The following CC2D2B variants were observed in gnomAD, a reference collection of about 807,000 sequenced individuals.
CC2D2B encodes protein CC2D2B.
A neutral mutation model predicts 161.2 loss-of-function variants in CC2D2B; 128 were observed. That is an observed-to-expected ratio of 0.79 (90% confidence interval 0.69 to 0.92). The LOEUF (loss-of-function observed/expected upper bound fraction) is 0.92, where lower values mean the gene tolerates loss of function less well. Ranked by LOEUF, CC2D2B falls within the 40% of genes least tolerant of loss-of-function variation. The probability of loss-of-function intolerance (pLI) is 0.00; values close to 1 mark genes in which losing one functional copy is unlikely to be tolerated. For synonymous variants in CC2D2B, 391 were observed against 449.8 expected, an observed-to-expected ratio of 0.87 and a Z score of 1.65; for missense variants, 1,173 against 1,375.1, an observed-to-expected ratio of 0.85 and a Z score of 2.32.
At chr10:96,021,252 T>C (rs1026346180) in intron 32 of CC2D2B, 18 of 152,228 alleles carry the variant, frequency 1.2e-4, no homozygotes, top group African/African-American at 4.1e-4. Context: ...TCTCAGTATA[T>C]ACCCCAGAGG....
At chr10:96,015,441 A>C (rs527804237) in intron 29 of CC2D2B, among the ~76,000 whole-genome samples, 15 of 148,036 alleles carry the variant, frequency 1.0e-4, no homozygotes, top group Non-Finnish European at 1.5e-4. Context: ...GAGCATTTGG[A>C]CCCAAGTCTT....
At chr10:96,019,043 G>C (rs930721036) in intron 30 of CC2D2B, 160 bp from the exon 31 acceptor site, 8 of 554,768 alleles carry the variant, frequency 1.4e-5, no homozygotes, top group Non-Finnish European at 2.1e-5. Context: ...CTGGGCTCAA[G>C]TGATCCTCCC....
At chr10:96,001,784 CAG>C (rs2078510031) in intron 24 of CC2D2B, among the ~76,000 whole-genome samples, 1 of 152,200 alleles carries the variant, frequency 6.6e-6, no homozygotes. Context: ...ATTATATTTT[CAG>C]AGTCATTGGC....
chr10:95,928,403 C>G (rs1266122607), intron 6 of CC2D2B, among the ~76,000 whole-genome samples: 4 of 151,998 alleles, frequency 2.6e-5, no homozygotes, highest in African/African-American at 9.7e-5. Flanking sequence ...TGTACATGCA[C>G]ACACACGTTT....
intron 17 of CC2D2B, among the ~76,000 whole-genome samples, chr10:95,978,430 T>A (rs932918025): frequency 6.6e-6 from 1 of 152,198 alleles, no homozygotes; most frequent in African/African-American, 2.4e-5. Context: ...AGTGGTGTAA[T>A]CATAGCAGCC....
chr10:96,020,576 A>G (rs2079408078), intron 32 of CC2D2B: 1 of 152,216 alleles, frequency 6.6e-6, no homozygotes, highest in Non-Finnish European at 1.5e-5. Flanking sequence ...GCAATTGCAC[A>G]GTCCACAAAT....
At chr10:95,933,867 C>A (rs559020301) in intron 6 of CC2D2B, among the ~76,000 whole-genome samples, 1 of 152,194 alleles carries the variant, frequency 6.6e-6, no homozygotes, top group East Asian at 1.9e-4. Context: ...GTCAGGGAAC[C>A]ACTTGAGGAG....
chr10:95,957,414 T>C (rs1330717077), intron 11 of CC2D2B, among the ~76,000 whole-genome samples: 2 of 152,018 alleles, frequency 1.3e-5, no homozygotes, highest in Non-Finnish European at 2.9e-5. Context: ...GACTACGACA[T>C]TTAAAAGCAA....
At chr10:95,968,097 G>A (rs993076800) in intron 14 of CC2D2B, among the ~76,000 whole-genome samples, 1 of 152,218 alleles carries the variant, frequency 6.6e-6, no homozygotes. Context: ...CTCAACAAGT[G>A]TTTCCCCCAG....
At position 95,914,816 on chromosome 10, in the gene CC2D2B, G is replaced by A. The variant is rs562692398; in HGVS notation, c.36+3457G>A. On this transcript the variant is annotated intron_variant, in intron 2 of 34. Transcript: ENST00000646931. ...GTCTCAGGTATTTCTTCATAACAGC[G>A]TGAGAATGGACTAATAGAGTCAGGT... Among the ~76,000 whole-genome samples the A allele has an allele frequency of 9.9e-5, 15 of 152,282 alleles. No individual in the cohort carries two copies. The East Asian group carries it at 2.1e-3, about 22-fold the overall frequency.
chr10:96,003,904 T>G (rs2078635812), intron 24 of CC2D2B, among the ~76,000 whole-genome samples: 2 of 152,246 alleles, frequency 1.3e-5, no homozygotes, highest in Admixed American at 1.3e-4. Flanking sequence ...ATAGCTGTAG[T>G]GAAAGCCTTT....
intron 9 of CC2D2B, among the ~76,000 whole-genome samples, chr10:95,947,111 A>ATTTT (rs1190951352): frequency 1.2e-4 from 5 of 40,730 alleles, no homozygotes; most frequent in South Asian, 9.5e-4. Flanking sequence ...ATATATATAT[A>ATTTT]TATTTTTTTT....
chr10:95,952,756 T>G (rs533074402), intron 10 of CC2D2B, among the ~76,000 whole-genome samples: 1 of 152,276 alleles, frequency 6.6e-6, no homozygotes, highest in South Asian at 2.1e-4. Flanking sequence ...AATATAGGTT[T>G]ATTTTAATAT....
At chr10:95,918,450 C>A (rs546614625) in intron 2 of CC2D2B, among the ~76,000 whole-genome samples, 1 of 152,282 alleles carries the variant, frequency 6.6e-6, no homozygotes, top group South Asian at 2.1e-4. Context: ...TTCTTTTAGC[C>A]TGTAAGGTTT....
intron 10 of CC2D2B, among the ~76,000 whole-genome samples, chr10:95,952,639 C>A (rs965037080): frequency 2.0e-5 from 3 of 152,064 alleles, no homozygotes; most frequent in Non-Finnish European, 2.9e-5. Context: ...CCTCAGCCTC[C>A]CAAGTAGGTG....
chr10:95,986,485 T>C (rs1209073811), intron 19 of CC2D2B, among the ~76,000 whole-genome samples: 4 of 151,452 alleles, frequency 2.6e-5, no homozygotes, highest in Admixed American at 1.3e-4. Flanking sequence ...ATAAATACCA[T>C]GTGTAGTGAA....
At chr10:95,989,113 A>G (rs967718072) in intron 20 of CC2D2B, among the ~76,000 whole-genome samples, 1 of 152,216 alleles carries the variant, frequency 6.6e-6, no homozygotes, top group African/African-American at 2.4e-5. Context: ...AAGGAAAGCT[A>G]TGGAAAGAGC....
At chr10:95,962,524 A>C (rs562745923) in intron 12 of CC2D2B, among the ~76,000 whole-genome samples, 5 of 152,286 alleles carry the variant, frequency 3.3e-5, no homozygotes, top group African/African-American at 1.2e-4. Context: ...GCCAGCAATC[A>C]TACTTTAGAT....
chr10:95,986,150 C>T (rs765575982), intron 19 of CC2D2B, among the ~76,000 whole-genome samples: 6 of 151,506 alleles, frequency 4.0e-5, no homozygotes, highest in East Asian at 2.0e-4. Flanking sequence ...TATTCGTACA[C>T]TCCCTACCTT....
Sources: gnomAD v4.1 joint callset for allele counts (sites outside exome capture counted in the v4.1 genomes callset) on GRCh38, gnomAD v4.1.1 for gene constraint, MANE v1.5 for transcripts, NCBI Gene and HGNC (gene_info 2026-07-23, HGNC 2026-07-21) for gene names.